Variants in NBEAL2 observed in about 807,000 individuals in gnomAD.
The protein encoded by NBEAL2 is neurobeachin-like protein 2.
In NBEAL2, 160 loss-of-function variants were observed where a neutral mutation model predicts 299.8. That is an observed-to-expected ratio of 0.53 (90% CI 0.47 to 0.61). The LOEUF (loss-of-function observed/expected upper bound fraction) is 0.61. NBEAL2 is among the 20% of genes least tolerant of loss of function. NBEAL2 has a pLI of 0.00. For synonymous variants in NBEAL2, 1,493 were observed against 1,542.3 expected (o/e 0.97, Z 0.75); for missense variants, 3,112 against 3,649.0 (o/e 0.85, Z 3.79).
chr3:47,003,246 C>T lies in NBEAL2; in HGVS notation c.5657C>T (p.Thr1886Ile), dbSNP rs1161242249. 6.2e-7 allele frequency: 1 copy of T among 1,613,208 alleles called. No individual in the cohort carries two copies. The highest frequency in any genetic ancestry group is 1.1e-5 in the South Asian group (1 of 91,072). Reference sequence around the variant, plus strand: ...GTGACCAAAGAGGCCAAAGTGAGCACCCCACCCGAGTTGCTGCAGGAGGAC... The same window carrying T: ...GTGACCAAAGAGGCCAAAGTGAGCATCCCACCCGAGTTGCTGCAGGAGGAC... Reference protein sequence around the residue: ...LAVTKEAKVSTPPELLQEDQL... With the variant: ...LAVTKEAKVSIPPELLQEDQL... Residue 1886 changes from threonine to isoleucine, a missense_variant, in exon 35 of 54, where the codon ACC (threonine) becomes ATC (isoleucine). Physicochemically the swap from Thr to Ile is moderately conservative, Grantham distance 89. Coordinates refer to ENST00000450053, the MANE Select transcript of NBEAL2 (RefSeq NM_015175.3). This position sits in a 1 kb window ranked among gnomAD's most constrained non-coding sequence, Gnocchi z 7.0.
Position 47,003,377 on chromosome 3 carries a change from C to A in NBEAL2, c.5720+68C>A. 6.4e-7 allele frequency: 1 copy of A among 1,557,806 alleles called. No homozygotes were observed. The highest frequency in any genetic ancestry group is 8.7e-7 in the Non-Finnish European group (1 of 1,150,616). On this transcript the variant is annotated intron_variant, in intron 35 of 53. Coordinates refer to ENST00000450053, the MANE Select transcript of NBEAL2 (RefSeq NM_015175.3). This position sits in a 1 kb window ranked among gnomAD's most constrained non-coding sequence, Gnocchi z 7.0. The stretch of plus-strand genomic sequence containing the variant: ...GGGGTCTGCTCCAGTGTGTGCATGC[C>A]TCTGTGGGATCAACTCCCTGAGTGT...
Position 46,998,968 on chromosome 3 carries a change from G to T in NBEAL2, c.3394G>T (p.Ala1132Ser), listed in dbSNP as rs753678758. 6.2e-7 allele frequency: 1 copy of T among 1,607,252 alleles called. No individual in the cohort carries two copies. The highest frequency in any genetic ancestry group is 1.1e-5 in the South Asian group (1 of 89,556). The change falls in exon 24 of 54, where the codon GCG (alanine) becomes TCG (serine). Residue 1132 changes from alanine to serine, a missense_variant. Around this residue, in one of 3 missense-constraint regions of NBEAL2, gnomAD observed 2,243 missense variants for 2,538.1 expected, o/e 0.88. Transcript: ENST00000450053. The stretch of plus-strand genomic sequence containing the variant: ...GACCCTGCATCCCCAGGCGGTGGGT[G>T]CGCTGGACCTGCTGCTGGCCCTGCT... ...ATGDDGQAVG[A>S]LDLLLALLHG...
rs1286583038 is a variant in NBEAL2, at chr3:47,006,030, G to A, written c.6886G>A (p.Ala2296Thr). 1.2e-6 allele frequency: 2 copies of A among 1,613,778 alleles called. No homozygotes were observed. Among genetic ancestry groups the A allele is most frequent in the Non-Finnish European group, 1.7e-6 (2 of 1,179,884 alleles). ...YKQRGPAAEEALNVFYYCTYE... is the reference protein window; with the variant it reads ...YKQRGPAAEETLNVFYYCTYE... ...GCAGCGGGGGCCAGCCGCCGAGGAGGCCCTCAATGTCTTCTATTACTGCAC... is the reference window on the plus strand; with the variant it reads ...GCAGCGGGGGCCAGCCGCCGAGGAGACCCTCAATGTCTTCTATTACTGCAC... Residue 2296 changes from alanine to threonine, a missense_variant, in exon 43 of 54, where the codon GCC becomes ACC. By Grantham distance (58) the Ala-to-Thr change is moderately conservative. Coordinates refer to ENST00000450053, the MANE Select transcript of NBEAL2 (RefSeq NM_015175.3).
At position 46,995,189 on chromosome 3, in the gene NBEAL2, G is replaced by T; in HGVS notation, c.1454G>T (p.Ser485Ile). Residue 485 changes from serine (S) to isoleucine (I), a missense_variant, in exon 13 of 54, where the codon AGC becomes ATC. This residue lies in a region of NBEAL2 where 2,243 missense variants were observed against 2,538.1 expected (regional missense o/e 0.88). Coordinates refer to ENST00000450053, the MANE Select transcript of NBEAL2 (RefSeq NM_015175.3). ...TGGCTCTGTGACAGCTGCCCTGCCA[G>T]CCGTGCCACCTGTGTGCAGGCAGGC... is the stretch of plus-strand genomic sequence containing the variant. The part of the protein sequence containing the change: ...LRWLCDSCPA[S>I]RATCVQAGLV... 6.4e-7 allele frequency: 1 copy of T among 1,560,370 alleles called. No individual in the cohort carries two copies. The highest frequency in any genetic ancestry group is 8.7e-7 in the Non-Finnish European group (1 of 1,152,406).
Position 46,992,555 on chromosome 3 carries a change from G to C in NBEAL2, c.1113G>C (p.Lys371Asn). 1 of 1,595,092 alleles carries C rather than the reference G, an allele frequency of 6.3e-7. No individual in the cohort carries two copies. The highest frequency in any genetic ancestry group is 8.5e-7 in the Non-Finnish European group (1 of 1,171,272). ...TRLLTEPDVQ[K>N]VLDQDTDAIA... ...TACTGACTGAGCCCGATGTCCAAAA[G>C]GTACCATCCTGGGGCTGACCAGCTC... Residue 371 changes from lysine to asparagine, a missense_variant and splice_region_variant, in exon 10 of 54, where the codon AAG (lysine) becomes AAC (asparagine). By Grantham distance (94) the Lys-to-Asn change is moderately conservative (BLOSUM62 0). Around this residue, in one of 3 missense-constraint regions of NBEAL2, gnomAD observed 2,243 missense variants for 2,538.1 expected, o/e 0.88. Transcript: ENST00000450053.
rs555484164 is a variant in NBEAL2, at chr3:46,995,191, C to T, written c.1456C>T (p.Arg486Cys). 5.8e-6 allele frequency: 9 copies of T among 1,560,148 alleles called. No individual in the cohort carries two copies. Among genetic ancestry groups the T allele is most frequent in the South Asian group, 3.5e-5 (3 of 85,006 alleles). ...GCTCTGTGACAGCTGCCCTGCCAGCCGTGCCACCTGTGTGCAGGCAGGCCT... is the reference window on the plus strand; with the variant it reads ...GCTCTGTGACAGCTGCCCTGCCAGCTGTGCCACCTGTGTGCAGGCAGGCCT... ...RWLCDSCPAS[R>C]ATCVQAGLVG... Residue 486 changes from arginine (R) to cysteine (C), a missense_variant, in exon 13 of 54, where the codon CGT (arginine) becomes TGT (cysteine). By Grantham distance (180) the Arg-to-Cys change is radical. This residue lies in a region of NBEAL2 where 2,243 missense variants were observed against 2,538.1 expected (regional missense o/e 0.88). Coordinates refer to ENST00000450053, the MANE Select transcript of NBEAL2 (RefSeq NM_015175.3).
At position 47,007,245 on chromosome 3, in the gene NBEAL2, CTGTG is replaced by C; in HGVS notation, c.7230_7233del (p.Ser2412ProfsTer17). Reference sequence around the variant, plus strand: ...TCTGCCCCCTCCTGCCTGCAGGTGACTGTGAGTGCCAGTGGGCTGCTGGGCACCC... The same window carrying C: ...TCTGCCCCCTCCTGCCTGCAGGTGACAGTGCCAGTGGGCTGCTGGGCACCC... On this transcript the variant is annotated frameshift_variant, in exon 47 of 54. Coordinates refer to ENST00000450053, the MANE Select transcript of NBEAL2 (RefSeq NM_015175.3). LOFTEE classifies it high-confidence loss of function. The C allele has an allele frequency of 1.9e-6, 3 of 1,612,034 alleles. No individual in the cohort carries two copies. The highest frequency in any genetic ancestry group is 2.5e-6 in the Non-Finnish European group (3 of 1,179,020).
Position 46,995,308 on chromosome 3 carries a change from C to T in NBEAL2, c.1573C>T (p.Arg525Cys), listed in dbSNP as rs866247175. 3 of 1,583,116 alleles carry T rather than the reference C, an allele frequency of 1.9e-6. No homozygotes were observed. Among genetic ancestry groups the T allele is most frequent in the African/African-American group, 1.3e-5 (1 of 74,122 alleles). Residue 525 changes from arginine to cysteine, a missense_variant, in exon 13 of 54, where the codon CGT becomes TGT. Physicochemically the swap from Arg to Cys is radical, Grantham distance 180 (BLOSUM62 -3). This residue lies in a region of NBEAL2 where 2,243 missense variants were observed against 2,538.1 expected (regional missense o/e 0.88). Transcript: ENST00000450053. ...QLLALLQALG[R>C]VSIRPMELRH... Reference sequence around the variant, plus strand: ...GCTGGCACTGCTACAAGCACTGGGCCGTGTATCAATAAGGCCCATGGAGCT... The same window carrying T: ...GCTGGCACTGCTACAAGCACTGGGCTGTGTATCAATAAGGCCCATGGAGCT...
In NBEAL2 at chr3:46,989,731, A is replaced by G; in HGVS notation, c.556+138A>G. 1.2e-6 allele frequency: 1 copy of G among 805,572 alleles called. No individual in the cohort carries two copies. The highest frequency in any genetic ancestry group is 1.6e-5 in the South Asian group (1 of 63,692). The allele number at this position is 805,572 out of a possible 1,614,324, so 49.9% of individuals were successfully genotyped here. On this transcript the variant is annotated intron_variant, in intron 6 of 53. Transcript: ENST00000450053. This position sits in a 1 kb window ranked among gnomAD's most constrained non-coding sequence, Gnocchi z 5.5. ...CTGGGAGAACCAAAGACCAAGCAAG[A>G]GTTTAGGGACAGAGACAAGAGAAGA... is the stretch of plus-strand genomic sequence containing the variant.
At chr3:46,990,100 G>A (rs1409643849) in intron 6 of NBEAL2, among the ~76,000 whole-genome samples, 1 of 152,122 alleles carries the variant, frequency 6.6e-6, no homozygotes, top group Non-Finnish European at 1.5e-5. Context: ...ATTGGAGGGA[G>A]ACTGGCCAGG....
Position 46,989,127 on chromosome 3 carries a change from G to A in NBEAL2, c.312G>A (p.Val104=), listed in dbSNP as rs1316430081. 6.2e-7 allele frequency: 1 copy of A among 1,613,846 alleles called. No homozygotes were observed. Among genetic ancestry groups the A allele is most frequent in the Admixed American group, 1.7e-5 (1 of 59,996 alleles). ...NIEAGRGQVL[V]PRVLALLTKL... is the part of the protein sequence containing the mutation. ...AGGCAGGCCGGGGCCAAGTGCTAGT[G>A]CCCCGAGTGCTGGCACTGTTGACCA... The change falls in exon 4 of 54, where the codon GTG becomes GTA. Residue 104 remains valine (V), a synonymous_variant. Transcript: ENST00000450053. This position sits in a 1 kb window ranked among gnomAD's most constrained non-coding sequence, Gnocchi z 5.5.
chr3:46,994,185 G>A (rs2036305479), intron 11 of NBEAL2, among the ~76,000 whole-genome samples, 165 bp downstream of exon 11: 1 of 152,172 alleles, frequency 6.6e-6, no homozygotes, highest in African/African-American at 2.4e-5. Context: ...GGCAGGTGTG[G>A]TCGCCAGTCT....
intron 46 of NBEAL2, 39 bp downstream of exon 46, chr3:47,007,194 C>A (rs1273299844): frequency 6.2e-7 from 1 of 1,610,360 alleles, no homozygotes; most frequent in Non-Finnish European, 8.5e-7. Context: ...AGCTCCACTC[C>A]CCCTTGCCTC....
chr3:47,000,208 C>A lies in NBEAL2; in HGVS notation c.4109C>A (p.Thr1370Asn). The A allele has an allele frequency of 6.2e-7, 1 of 1,613,824 alleles. No individual in the cohort carries two copies. Among genetic ancestry groups the A allele is most frequent in the Non-Finnish European group, 8.5e-7 (1 of 1,179,900 alleles). The part of the protein sequence containing the change: ...LERSSVGSGN[T>N]AGGGGSSGTL... ...CGGTCTAGTGTAGGATCAGGCAACA[C>A]TGCTGGTGGTGGCGGCAGCAGTGGG... Residue 1370 changes from threonine (T) to asparagine (N), a missense_variant, in exon 27 of 54, where the codon ACT becomes AAT. Transcript: ENST00000450053. The surrounding 1 kb of genome is among the most constrained non-coding windows in gnomAD (Gnocchi z 4.5).
rs376789504 is a variant in NBEAL2, at chr3:47,000,386, G to A, written c.4287G>A (p.Ser1429=). ...CCACCATTAGCGGGGATGATACCTC[G>A]AACACCAGCAACCCACAGGTGAGGT... ...PEPTISGDDT[S]NTSNPQQTSE... The change falls in exon 27 of 54, where the codon TCG becomes TCA. Residue 1429 remains serine (S), a synonymous_variant. Coordinates refer to ENST00000450053, the MANE Select transcript of NBEAL2 (RefSeq NM_015175.3). The surrounding 1 kb of genome is among the most constrained non-coding windows in gnomAD (Gnocchi z 4.5). 1.3e-5 allele frequency: 20 copies of A among 1,575,188 alleles called. No individual in the cohort carries two copies. The highest frequency in any genetic ancestry group is 8.6e-5 in the Admixed American group (5 of 58,208).
chr3:46,990,284 C>T (rs944661389), intron 6 of NBEAL2, among the ~76,000 whole-genome samples: 3 of 152,138 alleles, frequency 2.0e-5, no homozygotes, highest in Non-Finnish European at 4.4e-5. Flanking sequence ...GGGAGCTCCT[C>T]GACTTTATTT....
rs1280549079 is a variant in NBEAL2, at chr3:47,003,368, T to C, written c.5720+59T>C. On this transcript the variant is annotated intron_variant, in intron 35 of 53. Transcript: ENST00000450053. This position sits in a 1 kb window ranked among gnomAD's most constrained non-coding sequence, Gnocchi z 7.0. ...GGTGGGCAAGGGGTCTGCTCCAGTGTGTGCATGCCTCTGTGGGATCAACTC... is the reference window on the plus strand; with the variant it reads ...GGTGGGCAAGGGGTCTGCTCCAGTGCGTGCATGCCTCTGTGGGATCAACTC... 1 of 1,570,886 alleles carries C rather than the reference T, an allele frequency of 6.4e-7. No individual in the cohort carries two copies. Among genetic ancestry groups the C allele is most frequent in the Non-Finnish European group, 8.6e-7 (1 of 1,157,628 alleles).
At chr3:46,999,195 C>G in intron 24 of NBEAL2, 78 bp downstream of exon 24, 1 of 1,535,458 alleles carries the variant, frequency 6.5e-7, no homozygotes, top group Non-Finnish European at 8.8e-7. Context: ...TACAGCAGGC[C>G]TTGGGCCAGC....
chr3:47,009,476 C>T lies in NBEAL2; in HGVS notation c.*156C>T, dbSNP rs989178126. ...AGGGATTGGCGGGCGATGTTACCCCCTCAGGGATTGGCGGGCGGAAGTCCC... is the reference window on the plus strand; with the variant it reads ...AGGGATTGGCGGGCGATGTTACCCCTTCAGGGATTGGCGGGCGGAAGTCCC... On this transcript the variant is annotated 3_prime_UTR_variant, in exon 54 of 54. Transcript: ENST00000450053. 9.4e-6 allele frequency: 7 copies of T among 743,096 alleles called. No individual in the cohort carries two copies. Among genetic ancestry groups the T allele is most frequent in the Non-Finnish European group, 1.5e-5 (7 of 453,142 alleles). The allele number at this position is 743,096 out of a possible 1,614,324, so 46.0% of individuals were successfully genotyped here. A position where few individuals can be genotyped will look rare whatever the true frequency, so the allele number is the denominator to read the frequency against.
Sources: gnomAD v4.1 joint callset for allele counts (sites outside exome capture counted in the v4.1 genomes callset) on GRCh38, gnomAD v4.1.1 for gene constraint, gnomAD v4.1.1 regional missense constraint, Gnocchi (gnomAD v3.1) non-coding constraint, MANE v1.5 for transcripts, NCBI Gene and HGNC (gene_info 2026-07-23, HGNC 2026-07-21) for gene names.